The following WDPCP variants were observed in gnomAD, a reference collection of about 807,000 sequenced individuals.
The protein encoded by WDPCP is WD repeat containing planar cell polarity effector.
WDPCP carries 71 observed loss-of-function variants against 93.1 expected under a neutral mutation model. That is an observed-to-expected ratio of 0.76 (90% CI 0.63 to 0.93). The LOEUF is 0.93. Ranked by LOEUF, WDPCP falls within the 40% of genes least tolerant of loss-of-function variation. WDPCP has a pLI of 0.00. For synonymous variants in WDPCP, 315 were observed against 315.0 expected (o/e 1.00, Z 0.00); for missense variants, 844 against 887.4 (o/e 0.95, Z 0.62).
At chr2:63,153,942 T>A (rs1449759793) in intron 15 of WDPCP, among the ~76,000 whole-genome samples, 1 of 151,998 alleles carries the variant, frequency 6.6e-6, no homozygotes, top group Non-Finnish European at 1.5e-5. Context: ...AAATGAATGA[T>A]GAAGTTTTAT....
Position 63,454,405 on chromosome 2 carries a change from T to C in WDPCP, c.385-14534A>G, listed in dbSNP as rs1698486502. On this transcript the variant is annotated intron_variant, in intron 6 of 17. Coordinates refer to ENST00000272321, the MANE Select transcript of WDPCP (RefSeq NM_015910.7). ...CATTGGGAGAAATACCTAATATACA[T>C]GATGAGTTGATGGGTGCAGCAAACC... Among the ~76,000 whole-genome samples, 4 of 151,606 alleles carry C rather than the reference T, an allele frequency of 2.6e-5. No individual in the cohort carries two copies. In the South Asian group the frequency reaches 8.3e-4, roughly 32 times the overall value.
intron 4 of WDPCP, 61 bp from the exon 5 acceptor site, chr2:63,485,048 A>C: frequency 6.3e-7 from 1 of 1,579,096 alleles, no homozygotes; most frequent in Non-Finnish European, 8.7e-7. Flanking sequence ...AATTCTGCTT[A>C]GCAGTGTGCC....
At chr2:63,600,739 C>CTA (rs1379606732) in intron 3 of WDPCP, among the ~76,000 whole-genome samples, 8 of 152,122 alleles carry the variant, frequency 5.3e-5, no homozygotes, top group Non-Finnish European at 1.2e-4. Flanking sequence ...CCCTGAGAGG[C>CTA]TATAGGCTGT....
chr2:63,327,765 T>A (rs1262694751), intron 12 of WDPCP, among the ~76,000 whole-genome samples: 1 of 152,214 alleles, frequency 6.6e-6, no homozygotes, highest in African/African-American at 2.4e-5. Flanking sequence ...ATTACTTGCC[T>A]TCGGGGCCCT....
At chr2:63,259,434 G>A (rs750956894) in intron 13 of WDPCP, 25 bp from the exon 14 acceptor site, 1 of 1,577,632 alleles carries the variant, frequency 6.3e-7, no homozygotes, top group African/African-American at 1.3e-5. Flanking sequence ...CAAAATAAAA[G>A]ATTGATTCAA....
intron 2 of WDPCP, chr2:63,717,277 A>C (rs533976798): frequency 1.8e-6 from 1 of 543,566 alleles, no homozygotes; most frequent in Non-Finnish European, 3.7e-6. Context: ...TAAGACCTTC[A>C]GGCAGCAACA....
chr2:63,804,197 C>A (rs1166913880), intron 2 of WDPCP, among the ~76,000 whole-genome samples: 5 of 151,824 alleles, frequency 3.3e-5, no homozygotes, highest in African/African-American at 1.2e-4. Flanking sequence ...TTCTCAGTTC[C>A]TTTCCTAGGC....
rs913459079 is a variant in WDPCP at position 63,707,250 on chromosome 2, A to G, written n.309-56412T>C. Among the ~76,000 whole-genome samples the G allele has an allele frequency of 2.6e-5, 4 of 152,122 alleles. No individual in the cohort carries two copies. In the East Asian group the frequency reaches 7.7e-4, roughly 29 times the overall value. The stretch of plus-strand genomic sequence containing the variant: ...CCAACTTGGTTCCATTCTCCCCGTT[A>G]CTTTCAGGTACACCAATCAGATGTA... On this transcript the variant is annotated intron_variant and non_coding_transcript_variant, in intron 2 of 4. Coordinates refer to the WDPCP transcript ENST00000467687.
intron 6 of WDPCP, among the ~76,000 whole-genome samples, chr2:63,484,044 C>A (rs190517556): frequency 6.6e-6 from 1 of 151,892 alleles, no homozygotes; most frequent in East Asian, 1.9e-4. Flanking sequence ...CACTTAAATG[C>A]GGGTAGTGCA....
intron 3 of WDPCP, among the ~76,000 whole-genome samples, chr2:63,639,034 A>C (rs1709951775): frequency 6.6e-6 from 1 of 152,224 alleles, no homozygotes; most frequent in African/African-American, 2.4e-5. Flanking sequence ...AAATGAATCA[A>C]TTTCTTAAAA....
At chr2:63,793,502 C>A (rs1670573867) in intron 2 of WDPCP, among the ~76,000 whole-genome samples, 1 of 152,030 alleles carries the variant, frequency 6.6e-6, no homozygotes, top group Admixed American at 6.5e-5. Flanking sequence ...TCCCAACACT[C>A]TGGGAGGCCC....
intron 15 of WDPCP, among the ~76,000 whole-genome samples, chr2:63,159,623 C>G (rs556101866): frequency 6.6e-6 from 1 of 152,206 alleles, no homozygotes; most frequent in African/African-American, 2.4e-5. Context: ...AAGCAATTAT[C>G]TTATGTTTAG....
chr2:63,448,568 T>C (rs1369181060), intron 6 of WDPCP, among the ~76,000 whole-genome samples: 2 of 152,136 alleles, frequency 1.3e-5, no homozygotes, highest in African/African-American at 2.4e-5. Flanking sequence ...TACTGTTAAA[T>C]TGTTACCATT....
rs57582852 is a variant in WDPCP at position 63,558,527 on chromosome 2, CAAAAAAAAA to C, written c.75+29661_75+29669del. On this transcript the variant is annotated intron_variant, in intron 1 of 17. Coordinates refer to ENST00000272321, the MANE Select transcript of WDPCP (RefSeq NM_015910.7). The stretch of plus-strand genomic sequence containing the variant: ...CTGGCAACAGAGTGAGACTCTGTCT[CAAAAAAAAA>C]AAAAAAAAAGAAAAAGAAAAAAGAA... Among the ~76,000 whole-genome samples the C allele has an allele frequency of 9.8e-5, 14 of 143,368 alleles. No homozygotes were observed. In the South Asian group the frequency reaches 2.4e-3, roughly 24 times the overall value. The allele number at this position is 143,368 out of a possible 152,430, so 94.1% of individuals were successfully genotyped here.
At chr2:63,413,321 G>A (rs1695160804) in intron 9 of WDPCP, among the ~76,000 whole-genome samples, 1 of 152,188 alleles carries the variant, frequency 6.6e-6, no homozygotes, top group Non-Finnish European at 1.5e-5. Flanking sequence ...CTAGCCACAT[G>A]TAGAAGAATG....
intron 14 of WDPCP, among the ~76,000 whole-genome samples, chr2:63,219,153 C>A (rs1436254626): frequency 6.6e-6 from 1 of 152,054 alleles, no homozygotes; most frequent in African/African-American, 2.4e-5. Context: ...TTTTACGAGC[C>A]AAAACATAGG....
intron 12 of WDPCP, among the ~76,000 whole-genome samples, chr2:63,350,348 G>C (rs1445512647): frequency 6.6e-6 from 1 of 152,040 alleles, no homozygotes; most frequent in Non-Finnish European, 1.5e-5. Flanking sequence ...TAAATGACTA[G>C]TTGATGGGTG....
chr2:63,324,736 A>C (rs1387500528), intron 12 of WDPCP, among the ~76,000 whole-genome samples: 1 of 152,250 alleles, frequency 6.6e-6, no homozygotes, highest in African/African-American at 2.4e-5. Context: ...CCTACTGGTC[A>C]GCAAGCTGTC....
chr2:63,739,157 C>G (rs1283048856), intron 2 of WDPCP, among the ~76,000 whole-genome samples: 1 of 152,074 alleles, frequency 6.6e-6, no homozygotes, highest in Non-Finnish European at 1.5e-5. Context: ...TACCCAATAG[C>G]TATATTTTCT....
Sources: gnomAD v4.1 joint callset for allele counts (sites outside exome capture counted in the v4.1 genomes callset) on GRCh38, gnomAD v4.1.1 for gene constraint, MANE v1.5 for transcripts, NCBI Gene and HGNC (gene_info 2026-07-23, HGNC 2026-07-21) for gene names.